The following SMO variants were observed in gnomAD, a reference collection of about 807,000 sequenced individuals.
The protein encoded by SMO is smoothened, frizzled class receptor, also known as protein smoothened.
A neutral mutation model predicts 81.6 loss-of-function variants in SMO; 40 were observed. The ratio of observed to expected loss-of-function variants is 0.49; its 90% CI spans 0.38 to 0.64. The LOEUF is 0.64. SMO is among the 30% of genes least tolerant of loss of function. SMO has a pLI of 0.00. For synonymous variants in SMO, 434 were observed against 432.1 expected (o/e 1.00, Z -0.05); for missense variants, 916 against 1,061.1 (o/e 0.86, Z 1.90).
chr7:129,195,906 C>G (rs948418341), intron 1 of SMO, among the ~76,000 whole-genome samples: 2 of 151,982 alleles, frequency 1.3e-5, no homozygotes, highest in Non-Finnish European at 2.9e-5. Context: ...TCGAGACCAT[C>G]CTGGCTAACA....
chr7:129,201,080 T>C (rs2150645269), intron 1 of SMO, among the ~76,000 whole-genome samples: 1 of 152,208 alleles, frequency 6.6e-6, no homozygotes. Context: ...GGGGCCTTGC[T>C]CTGTCGCCTA....
At chr7:129,207,945 G>C (rs956202969) in intron 6 of SMO, among the ~76,000 whole-genome samples, 1 of 151,660 alleles carries the variant, frequency 6.6e-6, no homozygotes, top group Non-Finnish European at 1.5e-5. Context: ...GAGATGTGTT[G>C]TAAAATGTGA....
rs1415649542 is a variant in SMO, at chr7:129,201,499, T to C, written c.332-1885T>C. 3.3e-5 allele frequency among the ~76,000 whole-genome samples: 5 copies of C among 152,180 alleles called. No individual in the cohort carries two copies. In the South Asian group the frequency reaches 1.0e-3, roughly 32 times the overall value. On this transcript the variant is annotated intron_variant, in intron 1 of 11. Coordinates refer to ENST00000249373, the MANE Select transcript of SMO (RefSeq NM_005631.5). ...AAGTTTAGACAAACACATAGACTTATGTAACCAGCCACCACATTGAATTCA... is the reference window on the plus strand; with the variant it reads ...AAGTTTAGACAAACACATAGACTTACGTAACCAGCCACCACATTGAATTCA...
rs376509030 is a variant in SMO, at chr7:129,205,383, G to C, written c.718G>C (p.Val240Leu). 6.2e-7 allele frequency: 1 copy of C among 1,611,682 alleles called. No homozygotes were observed. The highest frequency in any genetic ancestry group is 8.5e-7 in the Non-Finnish European group (1 of 1,178,972). The part of the protein sequence containing the change: ...MHSYIAAFGA[V>L]TGLCTLFTLA... ...CAGCTACATCGCGGCCTTCGGGGCC[G>C]TCACGGGCCTCTGCACGCTCTTCAC... is the stretch of plus-strand genomic sequence containing the variant. Residue 240 changes from valine to leucine, a missense_variant, in exon 3 of 12, where the codon GTC becomes CTC. Transcript: ENST00000249373.
rs1408111290 is a variant in SMO, at chr7:129,208,072, TA to T, written c.1265-683del. ...TTTTATTTTGAATATATTAGGTTTG[TA>T]AAATATATTGATATTAGTTTTGCTT... On this transcript the variant is annotated intron_variant, in intron 6 of 11. Coordinates refer to ENST00000249373, the MANE Select transcript of SMO (RefSeq NM_005631.5). This position sits in a 1 kb window ranked among gnomAD's most constrained non-coding sequence, Gnocchi z 5.2. Among the ~76,000 whole-genome samples the T allele has an allele frequency of 2.0e-5, 3 of 152,246 alleles. No individual in the cohort carries two copies. Among genetic ancestry groups the T allele is most frequent in the Non-Finnish European group, 4.4e-5 (3 of 68,052 alleles).
At position 129,189,629 on chromosome 7, in the gene SMO, G is replaced by A; in HGVS notation, c.331+147G>A. On this transcript the variant is annotated intron_variant, in intron 1 of 11. Coordinates refer to ENST00000249373, the MANE Select transcript of SMO (RefSeq NM_005631.5). The surrounding 1 kb of genome is among the most constrained non-coding windows in gnomAD (Gnocchi z 4.7). ...GGAGGGACAGATCCCGAAACTTTGG[G>A]GGCAGGTTACGTGCAGGATGGGACC... 1 of 883,978 alleles carries A rather than the reference G, an allele frequency of 1.1e-6. No individual in the cohort carries two copies. The highest frequency in any genetic ancestry group is 1.7e-6 in the Non-Finnish European group (1 of 593,300). 54.8% of individuals were successfully genotyped at this position (883,978 alleles called of 1,614,324 possible). A position where few individuals can be genotyped will look rare whatever the true frequency, so the allele number is the denominator to read the frequency against.
chr7:129,193,785 A>AAAAAAATATAT (rs1563145734), intron 1 of SMO, among the ~76,000 whole-genome samples: 3 of 26,352 alleles, frequency 1.1e-4, no homozygotes, highest in Non-Finnish European at 1.9e-4. Context: ...AAAAAAAAAA[A>AAAAAAATATAT]ATATATATAT....
chr7:129,189,259 G>A lies in SMO; in HGVS notation c.108G>A (p.Ala36=), dbSNP rs2150637996. The change falls in exon 1 of 12, where the codon GCG becomes GCA. Residue 36 remains alanine, a synonymous_variant. Transcript: ENST00000249373. The surrounding 1 kb of genome is among the most constrained non-coding windows in gnomAD (Gnocchi z 4.7). ...PGRGAASSGN[A]TGPGPRSAGG... is the part of the protein sequence containing the mutation. ...GGGGGGCGGCCTCGAGCGGGAACGC[G>A]ACCGGGCCTGGGCCTCGGAGCGCGG... 2 of 1,251,778 alleles carry A rather than the reference G, an allele frequency of 1.6e-6. No homozygotes were observed. Among genetic ancestry groups the A allele is most frequent in the Non-Finnish European group, 2.0e-6 (2 of 997,900 alleles). The allele number at this position is 1,251,778 out of a possible 1,614,324, so 77.5% of individuals were successfully genotyped here. A position where few individuals can be genotyped will look rare whatever the true frequency, so the allele number is the denominator to read the frequency against.
chr7:129,205,419 C>G lies in SMO; in HGVS notation c.747+7C>G, dbSNP rs530026299. 1 of 1,604,798 alleles carries G rather than the reference C, an allele frequency of 6.2e-7. No individual in the cohort carries two copies. Among genetic ancestry groups the G allele is most frequent in the Admixed American group, 1.7e-5 (1 of 58,392 alleles). On this transcript the variant is annotated splice_region_variant and intron_variant, in intron 3 of 11. Coordinates refer to ENST00000249373, the MANE Select transcript of SMO (RefSeq NM_005631.5). Reference sequence around the variant, plus strand: ...CTGCACGCTCTTCACCCTGGTCAGCCGCGGGAGGGCAGGCCCGGGGGGCCC... The same window carrying G: ...CTGCACGCTCTTCACCCTGGTCAGCGGCGGGAGGGCAGGCCCGGGGGGCCC...
rs1584665417 is a variant in SMO at position 129,210,856 on chromosome 7, G to A, written c.1653-109G>A. ...CTCCTGAGTCCTTGAAGGACTTGAG[G>A]CCCTTGGGAGCCTCCTTCTCTGGAA... On this transcript the variant is annotated intron_variant, in intron 9 of 11. Coordinates refer to ENST00000249373, the MANE Select transcript of SMO (RefSeq NM_005631.5). The surrounding 1 kb of genome is among the most constrained non-coding windows in gnomAD (Gnocchi z 4.7). The A allele has an allele frequency of 2.4e-6, 3 of 1,247,248 alleles. No homozygotes were observed. The East Asian group carries it at 7.2e-5, about 30-fold the overall frequency. The allele number at this position is 1,247,248 out of a possible 1,614,324, so 77.3% of individuals were successfully genotyped here.
intron 4 of SMO, 86 bp downstream of exon 4, chr7:129,205,868 A>T (rs1793757453): frequency 3.2e-6 from 4 of 1,259,084 alleles, no homozygotes; most frequent in Non-Finnish European, 4.5e-6. Context: ...GTGCGTGTAA[A>T]ACCGAGATCC....
At chr7:129,209,551 C>T (rs1793831288) in intron 8 of SMO, among the ~76,000 whole-genome samples, 154 bp downstream of exon 8, 1 of 152,206 alleles carries the variant, frequency 6.6e-6, no homozygotes. Context: ...GCATCAGTCT[C>T]CGTAGTTTCT....
rs1383654970 is a variant in SMO at position 129,203,596 on chromosome 7, G to A, written c.537+7G>A. ...CTTCCCTGAAGGCTGCACGGTGAGT[G>A]CTCTGTGAGACAAGGTCCAGGCTCT... On this transcript the variant is annotated splice_region_variant and intron_variant, in intron 2 of 11. Transcript: ENST00000249373. The A allele has an allele frequency of 1.3e-6, 2 of 1,593,218 alleles. No homozygotes were observed. Among genetic ancestry groups the A allele is most frequent in the Admixed American group, 3.4e-5 (2 of 59,322 alleles).
At position 129,211,765 on chromosome 7, in the gene SMO, C is replaced by T. The variant is rs2150655822; in HGVS notation, c.1931C>T (p.Thr644Ile). The part of the protein sequence containing the change: ...PQDISVTPVA[T>I]PVPPEEQANL... Reference sequence around the variant, plus strand: ...GATATTTCTGTCACCCCTGTGGCAACTCCAGGTATGAGAGTTCAAGCTTCT... The same window carrying T: ...GATATTTCTGTCACCCCTGTGGCAATTCCAGGTATGAGAGTTCAAGCTTCT... Residue 644 changes from threonine to isoleucine, a missense_variant, in exon 11 of 12, where the codon ACT (threonine) becomes ATT (isoleucine). This residue lies in a region of SMO where 324 missense variants were observed against 312.9 expected (regional missense o/e 1.04). Coordinates refer to ENST00000249373, the MANE Select transcript of SMO (RefSeq NM_005631.5). The surrounding 1 kb of genome is among the most constrained non-coding windows in gnomAD (Gnocchi z 4.6). 1 of 1,614,072 alleles carries T rather than the reference C, an allele frequency of 6.2e-7. No homozygotes were observed. Among genetic ancestry groups the T allele is most frequent in the Non-Finnish European group, 8.5e-7 (1 of 1,179,998 alleles).
At position 129,206,353 on chromosome 7, in the gene SMO, T is replaced by A. The variant is rs1268449742; in HGVS notation, c.1124T>A (p.Ile375Asn). 1 of 1,614,062 alleles carries A rather than the reference T, an allele frequency of 6.2e-7. No homozygotes were observed. The highest frequency in any genetic ancestry group is 8.5e-7 in the Non-Finnish European group (1 of 1,180,034). Residue 375 changes from isoleucine (I) to asparagine (N), a missense_variant, in exon 5 of 12, where the codon ATC becomes AAC. Physicochemically the swap from Ile to Asn is moderately radical, Grantham distance 149. Around this residue, in one of 4 missense-constraint regions of SMO, gnomAD observed 436 missense variants for 570.9 expected, o/e 0.76. Coordinates refer to ENST00000249373, the MANE Select transcript of SMO (RefSeq NM_005631.5). The surrounding 1 kb of genome is among the most constrained non-coding windows in gnomAD (Gnocchi z 4.4). ...CTCCCCTTTGTCCTCACTGTGGCAATCCTTGCTGTGGCGCAGGTATAGTGA... is the reference window on the plus strand; with the variant it reads ...CTCCCCTTTGTCCTCACTGTGGCAAACCTTGCTGTGGCGCAGGTATAGTGA... ...WSLPFVLTVA[I>N]LAVAQVDGDS...
intron 1 of SMO, among the ~76,000 whole-genome samples, chr7:129,195,612 T>C (rs1274143351): frequency 6.6e-6 from 1 of 152,204 alleles, no homozygotes; most frequent in Non-Finnish European, 1.5e-5. Context: ...AGGAAATCAA[T>C]TATATTGACA....
intron 1 of SMO, among the ~76,000 whole-genome samples, chr7:129,200,602 G>T (rs1327475685): frequency 6.6e-6 from 1 of 151,912 alleles, no homozygotes; most frequent in Admixed American, 6.6e-5. Context: ...TCTTTTTCCT[G>T]GGGAGTTTTA....
rs2150653460 is a variant in SMO at position 129,210,290 on chromosome 7, G to A, written c.1467-73G>A. 7.6e-7 allele frequency: 1 copy of A among 1,319,900 alleles called. No homozygotes were observed. Among genetic ancestry groups the A allele is most frequent in the Non-Finnish European group, 1.1e-6 (1 of 921,244 alleles). 81.8% of individuals were successfully genotyped at this position (1,319,900 alleles called of 1,614,324 possible). A position where few individuals can be genotyped will look rare whatever the true frequency, so the allele number is the denominator to read the frequency against. On this transcript the variant is annotated intron_variant, in intron 8 of 11. Transcript: ENST00000249373. The surrounding 1 kb of genome is among the most constrained non-coding windows in gnomAD (Gnocchi z 4.7). ...ACCGCACTCTAGCCTGGGTGACAGA[G>A]CAAGATCCTATCTCAAAAAAAGAGA...
rs935885925 is a variant in SMO, at chr7:129,208,937, G to A, written c.1357+86G>A. 1.1e-6 allele frequency: 1 copy of A among 898,648 alleles called. No homozygotes were observed. The highest frequency in any genetic ancestry group is 1.8e-6 in the Non-Finnish European group (1 of 555,526). The allele number at this position is 898,648 out of a possible 1,614,324, so 55.7% of individuals were successfully genotyped here. On this transcript the variant is annotated intron_variant, in intron 7 of 11. Coordinates refer to ENST00000249373, the MANE Select transcript of SMO (RefSeq NM_005631.5). This position sits in a 1 kb window ranked among gnomAD's most constrained non-coding sequence, Gnocchi z 5.2. ...GGGGCTATGCGACCGGCAGGATGCA[G>A]TAAGTCAGTGGGACAAGTTAGCCAT...
Sources: gnomAD v4.1 joint callset for allele counts (sites outside exome capture counted in the v4.1 genomes callset) on GRCh38, gnomAD v4.1.1 for gene constraint, gnomAD v4.1.1 regional missense constraint, Gnocchi (gnomAD v3.1) non-coding constraint, MANE v1.5 for transcripts, NCBI Gene and HGNC (gene_info 2026-07-23, HGNC 2026-07-21) for gene names.